Variants in NSD1 observed in about 807,000 individuals in gnomAD.
NSD1 encodes the protein nuclear receptor binding SET domain protein 1.
NSD1 carries 26 observed loss-of-function variants against 242.7 expected under a neutral mutation model. That is an observed-to-expected ratio of 0.11 (90% confidence interval 0.08 to 0.15). The LOEUF is 0.15. NSD1 is among the 10% of genes least tolerant of loss of function. NSD1 has a pLI of 1.00. For missense variants in NSD1, 2,495 were observed against 3,272.8 expected, an observed-to-expected ratio of 0.76 and a Z score of 5.80; for synonymous variants, 1,106 against 1,178.1, an observed-to-expected ratio of 0.94 and a Z score of 1.25.
At chr5:177,214,432 C>T (rs1763606786) in intron 5 of NSD1, among the ~76,000 whole-genome samples, 1 of 152,104 alleles carries the variant, frequency 6.6e-6, no homozygotes, top group Non-Finnish European at 1.5e-5. Context: ...ATCTCCAGGA[C>T]ATTTTCGTTT....
intron 2 of NSD1, among the ~76,000 whole-genome samples, chr5:177,175,515 C>T (rs766614892): frequency 3.3e-5 from 5 of 151,826 alleles, no homozygotes; most frequent in East Asian, 1.9e-4. Flanking sequence ...TTAGTCCCAG[C>T]GACTTGGTGG....
chr5:177,238,749 T>C lies in NSD1; in HGVS notation c.4192+242T>C, dbSNP rs545023867. ...CTTGCTCCAGTGTTGCTCTTCATGA[T>C]TGTTGATCAGCCACTGTGTAAATTA... is the stretch of plus-strand genomic sequence containing the variant. On this transcript the variant is annotated intron_variant, in intron 7 of 22. Transcript: ENST00000439151. The surrounding 1 kb of genome is among the most constrained non-coding windows in gnomAD (Gnocchi z 4.6). 9.1e-4 allele frequency among the ~76,000 whole-genome samples: 138 copies of C among 152,314 alleles called. 1 individual carries two copies. The highest frequency in any genetic ancestry group is 3.1e-3 in the African/African-American group (127 of 41,564).
chr5:177,252,740 A>G (rs772918713), intron 12 of NSD1, among the ~76,000 whole-genome samples: 1 of 150,352 alleles, frequency 6.7e-6, no homozygotes, highest in African/African-American at 2.4e-5. Context: ...TTTTGTTGAG[A>G]AAGGGGGTCT....
intron 4 of NSD1, 44 bp downstream of exon 4, chr5:177,204,336 A>G: frequency 6.5e-7 from 1 of 1,540,748 alleles, no homozygotes. Flanking sequence ...AGAAGCAAGT[A>G]AGAAAAAGAA....
chr5:177,160,584 T>C (rs547281020), intron 2 of NSD1, among the ~76,000 whole-genome samples: 182 of 152,068 alleles, frequency 1.2e-3, no homozygotes, highest in African/African-American at 4.3e-3. Context: ...ATTACAGGAG[T>C]GAGCCACTGT....
intron 2 of NSD1, among the ~76,000 whole-genome samples, chr5:177,154,992 G>A (rs867693797): frequency 3.3e-5 from 5 of 149,520 alleles, no homozygotes; most frequent in Non-Finnish European, 7.4e-5. Flanking sequence ...CACCGTGCCC[G>A]GCAATTTTTT....
chr5:177,292,228 A>G (rs1759895908), intron 22 of NSD1, 70 bp downstream of exon 22: 1 of 1,509,348 alleles, frequency 6.6e-7, no homozygotes, highest in South Asian at 1.1e-5. Context: ...TGCCATTTGC[A>G]TCAGCCTTGA....
At position 177,211,136 on chromosome 5, in the gene NSD1, A is replaced by G. The variant is rs760929975; in HGVS notation, c.2737A>G (p.Met913Val). Reference sequence around the variant, plus strand: ...CTACAAATTCAGTACATTGCTAATGATGTTGAAAGATATGCATGATAGTAA... The same window carrying G: ...CTACAAATTCAGTACATTGCTAATGGTGTTGAAAGATATGCATGATAGTAA... ...PDYKFSTLLM[M>V]LKDMHDSKTK... Residue 913 changes from methionine (M) to valine (V), a missense_variant, in exon 5 of 23, where the codon ATG becomes GTG. Physicochemically the swap from Met to Val is conservative, Grantham distance 21 (BLOSUM62 1). Transcript: ENST00000439151. The G allele has an allele frequency of 1.2e-6, 2 of 1,614,192 alleles. No homozygotes were observed. Among genetic ancestry groups the G allele is most frequent in the Admixed American group, 1.7e-5 (1 of 60,020 alleles).
At position 177,135,824 on chromosome 5, in the gene NSD1, A is replaced by G. The variant is rs763947629; in HGVS notation, c.721A>G (p.Arg241Gly). Residue 241 changes from arginine (R) to glycine (G), a missense_variant, in exon 2 of 23, where the codon AGA (arginine) becomes GGA (glycine). Transcript: ENST00000439151. ...PQTETQKNKQRNEVDGSNEKA... is the reference protein window; with the variant it reads ...PQTETQKNKQGNEVDGSNEKA... ...GACTGAAACACAGAAAAATAAGCAA[A>G]GAAATGAAGTGGACGGCAGCAATGA... 2.5e-6 allele frequency: 4 copies of G among 1,607,416 alleles called. No individual in the cohort carries two copies. The highest frequency in any genetic ancestry group is 3.4e-6 in the Non-Finnish European group (4 of 1,175,360).
chr5:177,214,540 G>A (rs900499002), intron 5 of NSD1, among the ~76,000 whole-genome samples: 3 of 151,938 alleles, frequency 2.0e-5, no homozygotes, highest in Non-Finnish European at 4.4e-5. Context: ...CTGTGAATTT[G>A]ATTACTTTAG....
rs763399938 is a variant in NSD1 at position 177,211,899 on chromosome 5, G to A, written c.3500G>A (p.Arg1167His). Residue 1167 changes from arginine to histidine, a missense_variant, in exon 5 of 23, where the codon CGC (arginine) becomes CAC (histidine). Physicochemically the swap from Arg to His is conservative, Grantham distance 29. This residue lies in a region of NSD1 where 426 missense variants were observed against 411.4 expected (regional missense o/e 1.04). Coordinates refer to ENST00000439151, the MANE Select transcript of NSD1 (RefSeq NM_022455.5). Reference protein sequence around the residue: ...KKRWQRLNQRRTKPRKRMNRF... With the variant: ...KKRWQRLNQRHTKPRKRMNRF... ...CGGTGGCAGCGTTTAAACCAAAGGC[G>A]CACTAAACCTCGTAAGCGCATGAAC... 5.8e-5 allele frequency: 93 copies of A among 1,609,076 alleles called. No individual in the cohort carries two copies. Among genetic ancestry groups the A allele is most frequent in the Non-Finnish European group, 7.2e-5 (85 of 1,177,706 alleles).
intron 2 of NSD1, among the ~76,000 whole-genome samples, chr5:177,180,633 A>C (rs537815761): frequency 1.2e-3 from 184 of 151,960 alleles, no homozygotes; most frequent in African/African-American, 4.3e-3. Context: ...TAATTTTGTT[A>C]TGTGTCCTGG....
chr5:177,295,078 T>A lies in NSD1; in HGVS notation c.7710T>A (p.Leu2570=), dbSNP rs1207310669. The A allele has an allele frequency of 1.2e-6, 2 of 1,611,838 alleles. No homozygotes were observed. Among genetic ancestry groups the A allele is most frequent in the Admixed American group, 1.7e-5 (1 of 59,724 alleles). ...SAGAEQTPGP[L]SQSPGLVKQA... ...GGGCTGAGCAGACCCCAGGGCCTCT[T>A]AGCCAATCCCCGGGCCTGGTGAAGC... The change falls in exon 23 of 23, where the codon CTT becomes CTA. Residue 2570 remains leucine (L), a synonymous_variant. Coordinates refer to ENST00000439151, the MANE Select transcript of NSD1 (RefSeq NM_022455.5). This position sits in a 1 kb window ranked among gnomAD's most constrained non-coding sequence, Gnocchi z 4.3.
chr5:177,139,444 C>CAAA (rs1281688922), intron 2 of NSD1, among the ~76,000 whole-genome samples: 3 of 59,514 alleles, frequency 5.0e-5, no homozygotes, highest in African/African-American at 6.3e-5. Context: ...GACTCCATCT[C>CAAA]AAAAAAAAAA....
Position 177,294,603 on chromosome 5 carries a change from C to T in NSD1, c.7235C>T (p.Ala2412Val), listed in dbSNP as rs2127282118. 6.2e-7 allele frequency: 1 copy of T among 1,614,212 alleles called. No homozygotes were observed. The highest frequency in any genetic ancestry group is 1.1e-5 in the South Asian group (1 of 91,080). ...TSDRPTDKPH[A>V]SLSQRLPPPE... is the part of the protein sequence containing the mutation. ...GACAGGCCTACTGACAAACCCCATG[C>T]CTCTTTGTCCCAGAGACTCCCACCT... The change falls in exon 23 of 23, where the codon GCC (alanine) becomes GTC (valine). Residue 2412 changes from alanine to valine, a missense_variant. Transcript: ENST00000439151.
At chr5:177,251,449 C>G (rs932187269) in intron 11 of NSD1, among the ~76,000 whole-genome samples, 1 of 152,158 alleles carries the variant, frequency 6.6e-6, no homozygotes, top group Non-Finnish European at 1.5e-5. Context: ...TGGTTTATCT[C>G]TATGCTCTTT....
intron 2 of NSD1, among the ~76,000 whole-genome samples, chr5:177,146,447 G>A (rs1236505429): frequency 1.3e-5 from 2 of 151,586 alleles, no homozygotes; most frequent in East Asian, 3.9e-4. Flanking sequence ...CTTGTGATCC[G>A]CCCGCCTCAG....
rs1213193500 is a variant in NSD1, at chr5:177,292,079, C to G, written c.6384C>G (p.Gly2128=). The change falls in exon 22 of 23, where the codon GGC becomes GGG. Residue 2128 remains glycine (G), a synonymous_variant. Transcript: ENST00000439151. The stretch of plus-strand genomic sequence containing the variant: ...AGTGTTTTAGTTGTGGGGATGCTGG[C>G]CAGCTCGTCTCCTGCAAGAAACCAG... ...EDECFSCGDA[G]QLVSCKKPGC... The G allele has an allele frequency of 1.9e-6, 3 of 1,614,114 alleles. No individual in the cohort carries two copies. The Admixed American group carries it at 5.0e-5, about 27-fold the overall frequency.
chr5:177,199,812 T>C (rs972626123), intron 3 of NSD1, among the ~76,000 whole-genome samples: 3 of 151,852 alleles, frequency 2.0e-5, no homozygotes, highest in African/African-American at 7.2e-5. Flanking sequence ...GGTCAGGATG[T>C]TCTCCATCTC....
Sources: allele counts gnomAD v4.1 joint callset (sites outside exome capture counted in the v4.1 genomes callset), GRCh38; gene constraint gnomAD v4.1.1; regional missense constraint gnomAD v4.1.1; non-coding constraint Gnocchi (gnomAD v3.1); transcripts MANE v1.5; gene names NCBI Gene and HGNC (gene_info 2026-07-23, HGNC 2026-07-21).